MAP3K21: variants seen among roughly 807,000 people sequenced by gnomAD.
The protein encoded by MAP3K21 is mitogen-activated protein kinase kinase kinase MLK4.
Under a neutral mutation model 86.1 loss-of-function variants are expected in MAP3K21, and 63 were observed. The ratio of observed to expected loss-of-function variants is 0.73; its 90% CI spans 0.60 to 0.90. MAP3K21 has a LOEUF of 0.90. Among genes scored for constraint, MAP3K21 ranks in the 40% least tolerant of loss-of-function variants. The pLI, the probability that MAP3K21 is intolerant of heterozygous loss-of-function variation, is 0.00. For missense variants in MAP3K21, 1,220 were observed against 1,367.7 expected, an observed-to-expected ratio of 0.89 and a Z score of 1.70; for synonymous variants, 558 against 564.8, an observed-to-expected ratio of 0.99 and a Z score of 0.17.
At chr1:233,345,670 A>G (rs924234597) in intron 1 of MAP3K21, among the ~76,000 whole-genome samples, 4 of 152,014 alleles carry the variant, frequency 2.6e-5, no homozygotes, top group South Asian at 2.1e-4. Flanking sequence ...AACATGGCAC[A>G]TGTATACCTA....
At position 233,328,058 on chromosome 1, in the gene MAP3K21, C is replaced by T; in HGVS notation, c.30C>T (p.Thr10=). Residue 10 remains threonine, a synonymous_variant, in exon 1 of 10, where the codon ACC becomes ACT. Transcript: ENST00000366624. The surrounding 1 kb of genome is among the most constrained non-coding windows in gnomAD (Gnocchi z 8.7). MALRGAAGA[T]DTPVSSAGGA... is the part of the protein sequence containing the mutation. ...CTTTGCGGGGCGCCGCGGGAGCGAC[C>T]GACACCCCGGTGTCCTCGGCCGGGG... The T allele has an allele frequency of 3.8e-6, 5 of 1,325,900 alleles. No homozygotes were observed. Among genetic ancestry groups the T allele is most frequent in the Non-Finnish European group, 4.8e-6 (5 of 1,044,034 alleles). 82.1% of individuals were successfully genotyped at this position (1,325,900 alleles called of 1,614,324 possible).
At chr1:233,335,314 C>A (rs1318940747) in intron 1 of MAP3K21, among the ~76,000 whole-genome samples, 2 of 152,124 alleles carry the variant, frequency 1.3e-5, no homozygotes, top group Non-Finnish European at 2.9e-5. Flanking sequence ...TAAAATTCAT[C>A]TTCTCCAAAT....
At chr1:233,367,743 C>G (rs1358999613) in intron 5 of MAP3K21, among the ~76,000 whole-genome samples, 1 of 151,814 alleles carries the variant, frequency 6.6e-6, no homozygotes, top group Non-Finnish European at 1.5e-5. Context: ...ACCTGTAATC[C>G]CAGCTACTCA....
At chr1:233,375,740 T>C (rs548622482) in intron 6 of MAP3K21, 176 bp from the exon 7 acceptor site, 3 of 546,372 alleles carry the variant, frequency 5.5e-6, no homozygotes, top group Admixed American at 3.8e-5. Flanking sequence ...TTGATGTTTT[T>C]ATGATCAGAG....
At chr1:233,370,938 A>G (rs1041072080) in intron 5 of MAP3K21, among the ~76,000 whole-genome samples, 53 of 152,348 alleles carry the variant, frequency 3.5e-4, no homozygotes, top group African/African-American at 1.2e-3. Context: ...TAGAAAAGCA[A>G]TCAATCAAAG....
intron 8 of MAP3K21, among the ~76,000 whole-genome samples, chr1:233,377,101 G>GATAAATAAATAAATAAATAA (rs57896561): frequency 6.6e-6 from 1 of 150,990 alleles, no homozygotes; most frequent in East Asian, 2.0e-4. Context: ...TCTATCTCTA[G>GATAAATAAATAAATAAATAA]ATAAATAAAT....
chr1:233,369,220 CAA>C (rs35461412), intron 5 of MAP3K21, among the ~76,000 whole-genome samples: 14 of 105,586 alleles, frequency 1.3e-4, no homozygotes, highest in Admixed American at 4.7e-4. Context: ...TAGTAAAATA[CAA>C]AAAAAAAAAA....
chr1:233,371,289 TC>T (rs1663673268), intron 5 of MAP3K21, among the ~76,000 whole-genome samples: 1 of 152,228 alleles, frequency 6.6e-6, no homozygotes, highest in Non-Finnish European at 1.5e-5. Flanking sequence ...TGGTTTGAGG[TC>T]CATAGCGTGT....
intron 8 of MAP3K21, among the ~76,000 whole-genome samples, chr1:233,378,174 T>C (rs1173042719): frequency 6.6e-6 from 1 of 152,192 alleles, no homozygotes; most frequent in Non-Finnish European, 1.5e-5. Context: ...TGGAAAAAAT[T>C]AGAGATGTTA....
chr1:233,359,658 C>T (rs979853400), intron 4 of MAP3K21, among the ~76,000 whole-genome samples: 3 of 152,296 alleles, frequency 2.0e-5, no homozygotes, highest in Middle Eastern at 3.4e-3. Context: ...GTGCATGCAC[C>T]TGTCTGTGAC....
intron 5 of MAP3K21, among the ~76,000 whole-genome samples, chr1:233,364,069 G>A (rs142825989): frequency 3.2e-4 from 49 of 152,224 alleles, no homozygotes; most frequent in African/African-American, 1.1e-3. Context: ...GTCATCATGA[G>A]AGTCCAGTAT....
At chr1:233,362,727 T>C (rs1663487894) in intron 5 of MAP3K21, among the ~76,000 whole-genome samples, 1 of 152,072 alleles carries the variant, frequency 6.6e-6, no homozygotes, top group Non-Finnish European at 1.5e-5. Context: ...GGGACACTGA[T>C]ATTGTTGTCA....
At position 233,336,720 on chromosome 1, in the gene MAP3K21, A is replaced by G. The variant is rs79192267; in HGVS notation, c.805+7887A>G. 6.7e-3 allele frequency among the ~76,000 whole-genome samples: 1,020 copies of G among 152,300 alleles called. 13 individuals carry two copies. Among genetic ancestry groups the G allele is most frequent in the Middle Eastern group, 0.031 (9 of 294 alleles). ...TTAGTCTATCTTACTTTATGAGGAAACAATAATTTTTCTTTGAAGATTCCA... is the reference window on the plus strand; with the variant it reads ...TTAGTCTATCTTACTTTATGAGGAAGCAATAATTTTTCTTTGAAGATTCCA... On this transcript the variant is annotated intron_variant, in intron 1 of 9. Coordinates refer to ENST00000366624, the MANE Select transcript of MAP3K21 (RefSeq NM_032435.3).
intron 5 of MAP3K21, among the ~76,000 whole-genome samples, chr1:233,364,184 C>T (rs1663523454): frequency 8.2e-6 from 1 of 122,242 alleles, no homozygotes; most frequent in Non-Finnish European, 1.7e-5. Context: ...GGTCCTTTTC[C>T]AGGCTCTCTT....
intron 1 of MAP3K21, among the ~76,000 whole-genome samples, chr1:233,333,559 G>T (rs1662852491): frequency 6.6e-6 from 1 of 151,580 alleles, no homozygotes; most frequent in Non-Finnish European, 1.5e-5. Flanking sequence ...GACCAGCTTG[G>T]GGAACATGGT....
intron 8 of MAP3K21, among the ~76,000 whole-genome samples, chr1:233,378,105 G>C (rs1442152775): frequency 6.6e-6 from 1 of 152,182 alleles, no homozygotes; most frequent in African/African-American, 2.4e-5. Context: ...CATGGCCTGG[G>C]GTTCAGGGAC....
intron 5 of MAP3K21, among the ~76,000 whole-genome samples, chr1:233,363,688 G>A (rs1663510926): frequency 1.6e-5 from 2 of 122,842 alleles, no homozygotes; most frequent in African/African-American, 3.2e-5. Context: ...GGTGACAAGA[G>A]CGAAACTCTG....
At chr1:233,337,906 G>A (rs1306949183) in intron 1 of MAP3K21, among the ~76,000 whole-genome samples, 1 of 152,200 alleles carries the variant, frequency 6.6e-6, no homozygotes, top group Non-Finnish European at 1.5e-5. Context: ...TGTTACTTCT[G>A]AAGATTTGGC....
chr1:233,354,844 C>T lies in MAP3K21; in HGVS notation c.1144C>T (p.Gln382Ter), dbSNP rs1369219648. ...ATTTTTGTTTATTTTAGAATGCTGG[C>T]AACAAGACCCTCATATTCGTCCATC... is the stretch of plus-strand genomic sequence containing the variant. ...PFAKLMKECW[Q>*]QDPHIRPSFA... is the part of the protein sequence containing the mutation. Residue 382 changes from glutamine to a stop codon, truncating the protein, a stop_gained, in exon 4 of 10, where the codon CAA becomes TAA. Transcript: ENST00000366624. LOFTEE classifies it high-confidence loss of function. 6.2e-7 allele frequency: 1 copy of T among 1,613,648 alleles called. No homozygotes were observed. Among genetic ancestry groups the T allele is most frequent in the Non-Finnish European group, 8.5e-7 (1 of 1,179,786 alleles).
Sources: allele counts gnomAD v4.1 joint callset (sites outside exome capture counted in the v4.1 genomes callset), GRCh38; gene constraint gnomAD v4.1.1; non-coding constraint Gnocchi (gnomAD v3.1); transcripts MANE v1.5; gene names NCBI Gene and HGNC (gene_info 2026-07-23, HGNC 2026-07-21).